The following MARCHF1 variants were observed in gnomAD, a reference collection of about 807,000 sequenced individuals.
MARCHF1 encodes the protein membrane associated ring-CH-type finger 1, also known as E3 ubiquitin-protein ligase MARCHF1.
In MARCHF1, 40 loss-of-function variants were observed where a neutral mutation model predicts 54.2. The ratio of observed to expected loss-of-function variants is 0.74; its 90% CI spans 0.57 to 0.96. The LOEUF (loss-of-function observed/expected upper bound fraction) is 0.96. Among genes scored for constraint, MARCHF1 ranks in the 40% least tolerant of loss-of-function variants. MARCHF1 has a pLI of 0.00. For missense variants in MARCHF1, 586 were observed against 656.5 expected, an observed-to-expected ratio of 0.89 and a Z score of 1.17; for synonymous variants, 236 against 236.3, an observed-to-expected ratio of 1.00 and a Z score of 0.01.
intron 1 of MARCHF1, among the ~76,000 whole-genome samples, chr4:164,245,398 G>T (rs1477982671): frequency 6.6e-6 from 1 of 152,130 alleles, no homozygotes; most frequent in East Asian, 1.9e-4. Flanking sequence ...AAAATTCAAC[G>T]ATGCTTCATG....
At chr4:163,558,179 A>AC (rs1480219311) in intron 8 of MARCHF1, among the ~76,000 whole-genome samples, 1 of 151,862 alleles carries the variant, frequency 6.6e-6, no homozygotes, top group African/African-American at 2.4e-5. Flanking sequence ...GATGATGAGG[A>AC]CCCCCGATTA....
chr4:163,675,459 GGAGA>G (rs756917192), intron 5 of MARCHF1, among the ~76,000 whole-genome samples: 1 of 152,124 alleles, frequency 6.6e-6, no homozygotes, highest in Non-Finnish European at 1.5e-5. Flanking sequence ...TTATTGTGGA[GGAGA>G]GAGAGAGTGA....
At chr4:164,157,187 T>C (rs898262888) in intron 1 of MARCHF1, among the ~76,000 whole-genome samples, 7 of 151,622 alleles carry the variant, frequency 4.6e-5, no homozygotes, top group Non-Finnish European at 1.0e-4. Flanking sequence ...AAAGATATTA[T>C]GGTATATATT....
Position 163,800,769 on chromosome 4 carries a change from G to T in MARCHF1, c.111+53252C>A, listed in dbSNP as rs547755959. Among the ~76,000 whole-genome samples the T allele has an allele frequency of 6.6e-5, 10 of 152,146 alleles. No homozygotes were observed. The South Asian group carries it at 2.1e-3, about 32-fold the overall frequency. ...GTCTTCAGACTGTACAGAACATCAAGAATCATTACAAGAGGAAAATGCAAA... is the reference window on the plus strand; with the variant it reads ...GTCTTCAGACTGTACAGAACATCAATAATCATTACAAGAGGAAAATGCAAA... On this transcript the variant is annotated intron_variant, in intron 4 of 9. Coordinates refer to ENST00000514618, the MANE Select transcript of MARCHF1 (RefSeq NM_001394959.1).
intron 2 of MARCHF1, among the ~76,000 whole-genome samples, chr4:164,025,131 C>A (rs1753739022): frequency 6.7e-6 from 1 of 150,084 alleles, no homozygotes; most frequent in Non-Finnish European, 1.5e-5. Context: ...GACTTAGCAA[C>A]AAAATAATAG....
At chr4:163,879,558 G>C (rs1560800872) in intron 3 of MARCHF1, among the ~76,000 whole-genome samples, 1 of 152,128 alleles carries the variant, frequency 6.6e-6, no homozygotes, top group Non-Finnish European at 1.5e-5. Context: ...AGTATCATTT[G>C]CTACAGTGAA....
chr4:163,770,586 A>G (rs1241484423), intron 4 of MARCHF1, among the ~76,000 whole-genome samples: 1 of 151,206 alleles, frequency 6.6e-6, no homozygotes, highest in African/African-American at 2.4e-5. Context: ...ACATACCCAC[A>G]TGCACTCACG....
intron 4 of MARCHF1, among the ~76,000 whole-genome samples, chr4:163,757,803 T>G (rs141563322): frequency 4.9e-4 from 74 of 152,304 alleles, no homozygotes; most frequent in African/African-American, 1.7e-3. Context: ...ATAGCCATTT[T>G]GGCTTCAAGA....
intron 8 of MARCHF1, among the ~76,000 whole-genome samples, chr4:163,567,906 A>G (rs1337928063): frequency 6.6e-6 from 1 of 152,096 alleles, no homozygotes; most frequent in Admixed American, 6.6e-5. Context: ...ATTTCACTGT[A>G]TGACAATATC....
At chr4:163,964,415 G>C (rs905775739) in intron 3 of MARCHF1, among the ~76,000 whole-genome samples, 4 of 151,622 alleles carry the variant, frequency 2.6e-5, no homozygotes, top group Admixed American at 6.6e-5. Context: ...CGTTATGACA[G>C]TTTTTTTCCA....
intron 1 of MARCHF1, chr4:164,197,430 G>A (rs763436030): frequency 2.0e-5 from 33 of 1,613,406 alleles, no homozygotes; most frequent in East Asian, 1.1e-4. Context: ...CTTTAATTTT[G>A]TTGCCACTTA....
At chr4:164,229,749 C>T (rs1453280387) in intron 1 of MARCHF1, among the ~76,000 whole-genome samples, 3 of 152,086 alleles carry the variant, frequency 2.0e-5, no homozygotes, top group African/African-American at 7.2e-5. Context: ...GGAGTACAGA[C>T]TTCACATGGC....
chr4:164,225,996 C>A (rs1307203605), intron 1 of MARCHF1, among the ~76,000 whole-genome samples: 1 of 152,020 alleles, frequency 6.6e-6, no homozygotes, highest in Non-Finnish European at 1.5e-5. Flanking sequence ...GAAATGGCAA[C>A]TGCAGGATTA....
chr4:164,317,752 C>T (rs1735036806), intron 1 of MARCHF1, among the ~76,000 whole-genome samples: 1 of 152,088 alleles, frequency 6.6e-6, no homozygotes. Context: ...TAGCCTGTTG[C>T]GAGTGGGCAA....
chr4:164,166,849 A>G (rs945550959), intron 1 of MARCHF1, among the ~76,000 whole-genome samples: 8 of 151,618 alleles, frequency 5.3e-5, no homozygotes, highest in Non-Finnish European at 8.9e-5. Context: ...TACACAAATA[A>G]TGATCCAACT....
intron 2 of MARCHF1, among the ~76,000 whole-genome samples, chr4:164,002,164 A>C (rs1579452056): frequency 1.3e-5 from 2 of 151,744 alleles, no homozygotes; most frequent in Admixed American, 6.6e-5. Flanking sequence ...TCTCAACAAC[A>C]GAATATTCAC....
chr4:164,093,736 T>C lies in MARCHF1; in HGVS notation c.-248+17852A>G, dbSNP rs1403737643. Among the ~76,000 whole-genome samples the C allele has an allele frequency of 2.6e-5, 4 of 152,132 alleles. No homozygotes were observed. In the East Asian group the frequency reaches 7.7e-4, roughly 29 times the overall value. On this transcript the variant is annotated intron_variant, in intron 2 of 9. Coordinates refer to ENST00000514618, the MANE Select transcript of MARCHF1 (RefSeq NM_001394959.1). Reference sequence around the variant, plus strand: ...GAGCATCCTGGTGGTCCCTTCAGGCTAGAAATAAACTCCTGGGCATCTGTA... The same window carrying C: ...GAGCATCCTGGTGGTCCCTTCAGGCCAGAAATAAACTCCTGGGCATCTGTA...
chr4:163,821,608 A>G (rs1253854591), intron 4 of MARCHF1, among the ~76,000 whole-genome samples: 1 of 152,050 alleles, frequency 6.6e-6, no homozygotes, highest in African/African-American at 2.4e-5. Context: ...TGTTAGCAGA[A>G]TTAGAAAGTG....
chr4:163,698,455 T>C (rs978996643), intron 5 of MARCHF1, among the ~76,000 whole-genome samples: 4 of 152,242 alleles, frequency 2.6e-5, no homozygotes, highest in African/African-American at 4.8e-5. Context: ...GGTAAACTCA[T>C]GTGCACTGAA....
Sources: gnomAD v4.1 joint callset for allele counts (sites outside exome capture counted in the v4.1 genomes callset) on GRCh38, gnomAD v4.1.1 for gene constraint, MANE v1.5 for transcripts, NCBI Gene and HGNC (gene_info 2026-07-23, HGNC 2026-07-21) for gene names.